ZNF850: variants seen among roughly 807,000 people sequenced by gnomAD.
The protein encoded by ZNF850 is putative zinc finger protein ENSP00000330994.
Under a neutral mutation model 11.9 loss-of-function variants are expected in ZNF850, and 2 were observed. The ratio of observed to expected loss-of-function variants is 0.17; its 90% confidence interval spans 0.07 to 0.53. The LOEUF is 0.53. Among genes scored for constraint, ZNF850 ranks in the 20% least tolerant of loss-of-function variants. The pLI, the probability that ZNF850 is intolerant of heterozygous loss-of-function variation, is 0.94. For synonymous variants in ZNF850, 381 were observed against 443.0 expected, an observed-to-expected ratio of 0.86 and a Z score of 1.76; for missense variants, 1,014 against 1,316.4, an observed-to-expected ratio of 0.77 and a Z score of 3.55.
Position 36,750,710 on chromosome 19 carries a change from A to C in ZNF850, c.330T>G (p.His110Gln). The C allele has an allele frequency of 1.3e-6, 2 of 1,536,300 alleles. No homozygotes were observed. Among genetic ancestry groups the C allele is most frequent in the Non-Finnish European group, 1.7e-6 (2 of 1,146,944 alleles). ...SSQWVRMEKCHSLVGSSVRDD... is the reference protein window; with the variant it reads ...SSQWVRMEKCQSLVGSSVRDD... ...CTCTGACACTGGAGCCCACAAGGCTATGACATTTTTCCATTCTCACCCACT... is the reference window on the plus strand; with the variant it reads ...CTCTGACACTGGAGCCCACAAGGCTCTGACATTTTTCCATTCTCACCCACT... Residue 110 changes from histidine to glutamine, a missense_variant, in exon 5 of 5, where the codon CAT becomes CAG. Coordinates refer to ENST00000591344, the MANE Select transcript of ZNF850 (RefSeq NM_001193552.2).
At position 36,744,717 on chromosome 19, in the gene ZNF850, GTT is replaced by G; in HGVS notation, c.*3048_*3049del. On this transcript the variant is annotated 3_prime_UTR_variant, in exon 5 of 5. Coordinates refer to ENST00000591344, the MANE Select transcript of ZNF850 (RefSeq NM_001193552.2). ...ATGTTTAAATATCTCCAAGGAAGCAGTTACAAAAACATGGAGAATAATAAATG... is the reference window on the plus strand; with the variant it reads ...ATGTTTAAATATCTCCAAGGAAGCAGACAAAAACATGGAGAATAATAAATG... 6.6e-6 allele frequency: 1 copy of G among 152,284 alleles called. No individual in the cohort carries two copies. Among genetic ancestry groups the G allele is most frequent in the South Asian group, 2.1e-4 (1 of 4,824 alleles). The allele number at this position is 152,284 out of a possible 1,614,324, so 9.4% of individuals were successfully genotyped here.
chr19:36,746,921 G>T lies in ZNF850; in HGVS notation c.*846C>A, dbSNP rs2040414656. On this transcript the variant is annotated 3_prime_UTR_variant, in exon 5 of 5. Coordinates refer to ENST00000591344, the MANE Select transcript of ZNF850 (RefSeq NM_001193552.2). ...TAATCCCAGCACTTTGGGAGGCCGA[G>T]GTAGGGGGATCACGAGGTCAAAAGT... 1 of 152,036 alleles carries T rather than the reference G, an allele frequency of 6.6e-6. No homozygotes were observed. The highest frequency in any genetic ancestry group is 6.6e-5 in the Admixed American group (1 of 15,260). The allele number at this position is 152,036 out of a possible 1,614,324, so 9.4% of individuals were successfully genotyped here.
Position 36,748,716 on chromosome 19 carries a change from T to C in ZNF850, c.2324A>G (p.His775Arg). 2 of 1,539,944 alleles carry C rather than the reference T, an allele frequency of 1.3e-6. No individual in the cohort carries two copies. The highest frequency in any genetic ancestry group is 1.7e-4 in the Middle Eastern group (1 of 5,994). Reference protein sequence around the residue: ...SFTSHSTLIQHQQIHTGEKLY... With the variant: ...SFTSHSTLIQRQQIHTGEKLY... ...CTTCTCACCAGTGTGTATTTGCTGA[T>C]GTTGAATTAGTGTTGAGTGAGAAGT... The change falls in exon 5 of 5, where the codon CAT becomes CGT. Residue 775 changes from histidine to arginine, a missense_variant. His to Arg is a conservative substitution (Grantham distance 29). Transcript: ENST00000591344.
chr19:36,765,951 T>C (rs1279698707), intron 1 of ZNF850, among the ~76,000 whole-genome samples: 1 of 150,742 alleles, frequency 6.6e-6, no homozygotes, highest in African/African-American at 2.4e-5. Flanking sequence ...TGCAGTGAGG[T>C]GATCACAGCT....
chr19:36,755,482 A>T (rs2040480277), intron 4 of ZNF850, among the ~76,000 whole-genome samples: 1 of 152,028 alleles, frequency 6.6e-6, no homozygotes, highest in African/African-American at 2.4e-5. Flanking sequence ...CCACCTCCCA[A>T]AGTGTTGGGA....
intron 1 of ZNF850, among the ~76,000 whole-genome samples, chr19:36,769,607 A>AAAAT (rs1053659409): frequency 2.6e-5 from 4 of 152,152 alleles, no homozygotes; most frequent in Admixed American, 2.0e-4. Flanking sequence ...CTCAAAAATA[A>AAAAT]AAATAAATAA....
At chr19:36,762,555 G>A in intron 2 of ZNF850, 40 bp downstream of exon 2, 1 of 1,536,122 alleles carries the variant, frequency 6.5e-7, no homozygotes, top group Non-Finnish European at 8.7e-7. Context: ...GGATGAGAGT[G>A]GGGAAGAGTA....
At chr19:36,767,697 C>G (rs1384141587) in intron 1 of ZNF850, among the ~76,000 whole-genome samples, 1 of 151,874 alleles carries the variant, frequency 6.6e-6, no homozygotes, top group Admixed American at 6.6e-5. Flanking sequence ...CCACTGCACT[C>G]CAGCCTGGGT....
chr19:36,758,555 T>A (rs2040500481), intron 4 of ZNF850, among the ~76,000 whole-genome samples: 1 of 152,060 alleles, frequency 6.6e-6, no homozygotes, highest in Non-Finnish European at 1.5e-5. Flanking sequence ...CTAATTTTTT[T>A]ATTTTTAGTA....
At position 36,769,278 on chromosome 19, in the gene ZNF850, AAGAAAGAAAG is replaced by A. The variant is rs1447600184; in HGVS notation, c.-70+3437_-70+3446del. Among the ~76,000 whole-genome samples, 91 of 54,474 alleles carry A rather than the reference AAGAAAGAAAG, an allele frequency of 1.7e-3. 7 individuals are homozygous for A. Among genetic ancestry groups the A allele is most frequent in the African/African-American group, 3.8e-3 (36 of 9,452 alleles). The allele number at this position is 54,474 out of a possible 152,430, so 35.7% of individuals were successfully genotyped here. Reference sequence around the variant, plus strand: ...GACTGTCTCAAAAAAAAAAAAAAAAAAGAAAGAAAGAAAGAAAGAAAGAAAGAAAAAGAAA... The same window carrying A: ...GACTGTCTCAAAAAAAAAAAAAAAAAAAAGAAAGAAAGAAAGAAAAAGAAA... On this transcript the variant is annotated intron_variant, in intron 1 of 4. Coordinates refer to ENST00000591344, the MANE Select transcript of ZNF850 (RefSeq NM_001193552.2).
chr19:36,772,052 C>G (rs1393942406), intron 1 of ZNF850, among the ~76,000 whole-genome samples: 1 of 152,138 alleles, frequency 6.6e-6, no homozygotes, highest in African/African-American at 2.4e-5. Flanking sequence ...CAGAGCCCAC[C>G]GTGTACATGC....
At chr19:36,772,422 G>A (rs2040590515) in intron 1 of ZNF850, among the ~76,000 whole-genome samples, 3 of 152,082 alleles carry the variant, frequency 2.0e-5, no homozygotes, top group Non-Finnish European at 4.4e-5. Flanking sequence ...CACAGCCACA[G>A]ACCTGCAACT....
At position 36,744,696 on chromosome 19, in the gene ZNF850, TTAAA is replaced by T. The variant is rs1481733241; in HGVS notation, c.*3067_*3070del. On this transcript the variant is annotated 3_prime_UTR_variant, in exon 5 of 5. Coordinates refer to ENST00000591344, the MANE Select transcript of ZNF850 (RefSeq NM_001193552.2). ...TCACCCTCTCTGTATATATTTATGT[TTAAA>T]TATCTCCAAGGAAGCAGTTACAAAA... The T allele has an allele frequency of 6.6e-6, 1 of 152,158 alleles. No homozygotes were observed. Among genetic ancestry groups the T allele is most frequent in the African/African-American group, 2.4e-5 (1 of 41,426 alleles). 9.4% of individuals were successfully genotyped at this position (152,158 alleles called of 1,614,324 possible).
intron 1 of ZNF850, among the ~76,000 whole-genome samples, chr19:36,769,194 G>A (rs747589382): frequency 1.0e-4 from 15 of 150,474 alleles, no homozygotes; most frequent in Middle Eastern, 3.2e-3. Flanking sequence ...CCCGGCAGGC[G>A]GAGGCTGCAG....
chr19:36,761,924 T>C (rs1193232639), intron 3 of ZNF850, among the ~76,000 whole-genome samples, 186 bp from the exon 4 acceptor site: 1 of 151,224 alleles, frequency 6.6e-6, no homozygotes, highest in Non-Finnish European at 1.5e-5. Context: ...TGGGTGCCTG[T>C]AATCCCAGCT....
In ZNF850 at chr19:36,762,234, G is replaced by T. The variant is rs1025100219; in HGVS notation, c.139+71C>A. 2.3e-6 allele frequency: 3 copies of T among 1,330,720 alleles called. No homozygotes were observed. In the African/African-American group the frequency reaches 4.4e-5, roughly 20 times the overall value. 82.4% of individuals were successfully genotyped at this position (1,330,720 alleles called of 1,614,324 possible). A position where few individuals can be genotyped will look rare whatever the true frequency, so the allele number is the denominator to read the frequency against. On this transcript the variant is annotated intron_variant, in intron 3 of 4. Transcript: ENST00000591344. ...CACAAAACAATTCCCTAGGCAACAG[G>T]TGAAAAGTCACCCAGACAATTGAAA...
intron 1 of ZNF850, among the ~76,000 whole-genome samples, chr19:36,772,451 C>T (rs1380316894): frequency 6.6e-6 from 1 of 152,114 alleles, no homozygotes; most frequent in Non-Finnish European, 1.5e-5. Context: ...CAAGGTACTG[C>T]ACAGACACGC....
intron 3 of ZNF850, 36 bp downstream of exon 3, chr19:36,762,268 CA>C: frequency 6.8e-7 from 1 of 1,468,026 alleles, no homozygotes; most frequent in South Asian, 1.4e-5. Context: ...AAGCTACACC[CA>C]AAATTCATGA....
intron 4 of ZNF850, among the ~76,000 whole-genome samples, chr19:36,752,811 A>G (rs2040461200): frequency 6.6e-6 from 1 of 152,216 alleles, no homozygotes; most frequent in African/African-American, 2.4e-5. Context: ...CAAGGTTAAA[A>G]GTCATAAAGA....
Sources: allele counts gnomAD v4.1 joint callset (sites outside exome capture counted in the v4.1 genomes callset), GRCh38; gene constraint gnomAD v4.1.1; transcripts MANE v1.5; gene names NCBI Gene and HGNC (gene_info 2026-07-23, HGNC 2026-07-21).